ASIC5: variants seen among roughly 807,000 people sequenced by gnomAD.
The protein encoded by ASIC5 is acid sensing ion channel subunit family member 5.
Under a neutral mutation model 51.2 loss-of-function variants are expected in ASIC5, and 52 were observed. The ratio of observed to expected loss-of-function variants is 1.02; its 90% confidence interval spans 0.81 to 1.28. The LOEUF (loss-of-function observed/expected upper bound fraction) is 1.28. Ranked by LOEUF, ASIC5 falls within the 50% of genes most tolerant of loss-of-function variation. ASIC5 has a pLI of 0.00. For synonymous variants in ASIC5, 231 were observed against 200.7 expected (o/e 1.15, Z -1.28); for missense variants, 635 against 595.0 (o/e 1.07, Z -0.70).
chr4:155,843,932 TC>T, intron 4 of ASIC5, 102 bp from the exon 5 acceptor site: 1 of 1,016,762 alleles, frequency 9.8e-7, no homozygotes, highest in Non-Finnish European at 1.5e-6. Flanking sequence ...GTTTGACTAA[TC>T]CTAAATATTT....
intron 1 of ASIC5, among the ~76,000 whole-genome samples, chr4:155,865,414 C>A (rs76002675): frequency 6.6e-6 from 1 of 151,690 alleles, no homozygotes; most frequent in Admixed American, 6.6e-5. Flanking sequence ...CAAACATATG[C>A]GAAGAATTTA....
Position 155,836,919 on chromosome 4 carries a change from GT to G in ASIC5, c.1067-63del, listed in dbSNP as rs1369474592. The G allele has an allele frequency of 1.1e-5, 13 of 1,213,516 alleles. No homozygotes were observed. In the Admixed American group the frequency reaches 2.6e-4, roughly 24 times the overall value. The allele number at this position is 1,213,516 out of a possible 1,614,324, so 75.2% of individuals were successfully genotyped here. On this transcript the variant is annotated intron_variant, in intron 7 of 9. Transcript: ENST00000537611. Reference sequence around the variant, plus strand: ...GAAATATTTCATCATGGGTAGGATAGTTTTATAAAGTTTATCATTTCACTTT... The same window carrying G: ...GAAATATTTCATCATGGGTAGGATAGTTTATAAAGTTTATCATTTCACTTT...
intron 2 of ASIC5, among the ~76,000 whole-genome samples, chr4:155,862,980 A>C (rs1741752756): frequency 6.6e-6 from 1 of 152,124 alleles, no homozygotes; most frequent in South Asian, 2.1e-4. Flanking sequence ...TGCAATTACC[A>C]TATTGCACTA....
intron 1 of ASIC5, 56 bp from the exon 2 acceptor site, chr4:155,863,810 A>G (rs1174011572): frequency 7.1e-7 from 1 of 1,411,242 alleles, no homozygotes; most frequent in Non-Finnish European, 9.6e-7. Flanking sequence ...GGAAACCTTA[A>G]TGCTATCCGT....
chr4:155,835,516 C>T (rs1740959216), intron 8 of ASIC5, among the ~76,000 whole-genome samples: 1 of 151,998 alleles, frequency 6.6e-6, no homozygotes, highest in Admixed American at 6.6e-5. Flanking sequence ...ATCATGCCTA[C>T]TTTCTCTGTA....
chr4:155,842,148 A>G, intron 6 of ASIC5, 59 bp downstream of exon 6: 1 of 1,493,968 alleles, frequency 6.7e-7, no homozygotes, highest in South Asian at 1.2e-5. Context: ...ACCTTTTGTA[A>G]CCCTCTAAGA....
chr4:155,837,319 C>T (rs182094080), intron 7 of ASIC5, among the ~76,000 whole-genome samples: 45 of 152,258 alleles, frequency 3.0e-4, no homozygotes, highest in African/African-American at 1.1e-3. Flanking sequence ...AAATGTGCTC[C>T]TGAGTATTTG....
intron 4 of ASIC5, among the ~76,000 whole-genome samples, chr4:155,849,286 C>T (rs977706760): frequency 1.6e-4 from 25 of 151,974 alleles, no homozygotes; most frequent in South Asian, 2.1e-4. Flanking sequence ...CTTGGAACCT[C>T]GAGTGGCGAG....
In ASIC5 at chr4:155,848,648, T is replaced by C. The variant is rs572754628; in HGVS notation, c.711+3543A>G. On this transcript the variant is annotated intron_variant, in intron 4 of 9. Coordinates refer to ENST00000537611, the MANE Select transcript of ASIC5 (RefSeq NM_017419.3). ...TCCAAGGACAATTGTGCTCATGTTT[T>C]GGTCCTCTTTAGAAGGTGTTTTTAT... Among the ~76,000 whole-genome samples the C allele has an allele frequency of 7.9e-5, 12 of 152,216 alleles. No individual in the cohort carries two copies. In the South Asian group the frequency reaches 1.4e-3, roughly 18 times the overall value.
At chr4:155,864,609 C>T (rs1041591769) in intron 1 of ASIC5, 13 of 152,080 alleles carry the variant, frequency 8.5e-5, no homozygotes, top group East Asian at 5.8e-4. Flanking sequence ...GTCCATTCCT[C>T]GCCTCTTATA....
intron 4 of ASIC5, among the ~76,000 whole-genome samples, chr4:155,846,669 T>A (rs1487339786): frequency 6.6e-6 from 1 of 152,102 alleles, no homozygotes; most frequent in Non-Finnish European, 1.5e-5. Context: ...TAACTTTAAA[T>A]CATGACTATC....
intron 7 of ASIC5, among the ~76,000 whole-genome samples, chr4:155,837,190 TC>T (rs1168370271): frequency 2.6e-3 from 396 of 149,924 alleles, no homozygotes; most frequent in Non-Finnish European, 4.1e-3. Context: ...CTGTAAAATA[TC>T]AGATATTTGG....
chr4:155,864,630 C>A (rs1741815308), intron 1 of ASIC5: 1 of 152,130 alleles, frequency 6.6e-6, no homozygotes, highest in Admixed American at 6.6e-5. Context: ...ACCTGCACAA[C>A]TTTAGCCAAG....
chr4:155,847,654 G>A (rs760412463), intron 4 of ASIC5, among the ~76,000 whole-genome samples: 8 of 151,940 alleles, frequency 5.3e-5, no homozygotes, highest in Non-Finnish European at 7.4e-5. Context: ...CCCAGTCAGC[G>A]GAAGTTGCAG....
At chr4:155,847,329 T>C (rs1214266514) in intron 4 of ASIC5, among the ~76,000 whole-genome samples, 2 of 152,084 alleles carry the variant, frequency 1.3e-5, no homozygotes, top group Non-Finnish European at 2.9e-5. Flanking sequence ...GGGCTTTGAC[T>C]CCAGGGTCTA....
Position 155,866,257 on chromosome 4 carries a change from G to A in ASIC5, c.-31C>T. 6.4e-7 allele frequency: 1 copy of A among 1,571,462 alleles called. No individual in the cohort carries two copies. Among genetic ancestry groups the A allele is most frequent in the South Asian group, 1.1e-5 (1 of 88,960 alleles). ...ATTTCAGTTAAGCAAGAGTCCTCAG[G>A]GTAACCCAATTTTCATCAATAACAG... On this transcript the variant is annotated 5_prime_UTR_variant, in exon 1 of 10. Coordinates refer to ENST00000537611, the MANE Select transcript of ASIC5 (RefSeq NM_017419.3).
In ASIC5 at chr4:155,863,448, C is replaced by T; in HGVS notation, c.347G>A (p.Arg116Lys). 2 of 1,604,450 alleles carry T rather than the reference C, an allele frequency of 1.2e-6. No individual in the cohort carries two copies. Among genetic ancestry groups the T allele is most frequent in the African/African-American group, 1.3e-5 (1 of 74,642 alleles). Residue 116 changes from arginine (R) to lysine (K), a missense_variant and splice_region_variant, in exon 2 of 10, where the codon AGG becomes AAG. Coordinates refer to ENST00000537611, the MANE Select transcript of ASIC5 (RefSeq NM_017419.3). The stretch of plus-strand genomic sequence containing the variant: ...TTATTTTTAAAAAAGTAATTTTTAC[C>T]TGTTCAAATTACAAAATGTCACAGC... ...FPAVTFCNLN[R>K]FQTDAVAKFG...
At chr4:155,851,728 T>C (rs554042921) in intron 4 of ASIC5, among the ~76,000 whole-genome samples, 6 of 152,144 alleles carry the variant, frequency 3.9e-5, no homozygotes, top group African/African-American at 9.6e-5. Flanking sequence ...ACAAAATCTA[T>C]TTATATAATA....
intron 4 of ASIC5, among the ~76,000 whole-genome samples, chr4:155,848,804 A>G (rs1741314875): frequency 1.3e-5 from 2 of 152,110 alleles, no homozygotes; most frequent in African/African-American, 4.8e-5. Context: ...TATTAAACAG[A>G]ACAGGAATTA....
Sources: allele counts gnomAD v4.1 joint callset (sites outside exome capture counted in the v4.1 genomes callset), GRCh38; gene constraint gnomAD v4.1.1; transcripts MANE v1.5; gene names NCBI Gene and HGNC (gene_info 2026-07-23, HGNC 2026-07-21).